Variants in CNGB3 observed in about 807,000 individuals in gnomAD.
CNGB3 encodes cyclic nucleotide-gated channel beta-3.
In CNGB3, 86 loss-of-function variants were observed where a neutral mutation model predicts 92.8. The observed-to-expected ratio is 0.93, with a 90% CI of 0.78 to 1.11. The LOEUF (loss-of-function observed/expected upper bound fraction) is 1.11, where lower values mean the gene tolerates loss of function less well. Among genes scored for constraint, CNGB3 ranks in the 50% least tolerant of loss-of-function variants. The pLI, the probability that CNGB3 is intolerant of heterozygous loss-of-function variation, is 0.00. For missense variants in CNGB3, 1,026 were observed against 956.8 expected (o/e 1.07, Z -0.95); for synonymous variants, 333 against 332.7 (o/e 1.00, Z -0.01).
chr8:86,623,076 A>G (rs1180050047), intron 13 of CNGB3, among the ~76,000 whole-genome samples: 1 of 152,214 alleles, frequency 6.6e-6, no homozygotes, highest in African/African-American at 2.4e-5. Flanking sequence ...TTGATTATAT[A>G]ATTTTAAGAC....
chr8:86,697,256 A>T (rs926342108), intron 3 of CNGB3, among the ~76,000 whole-genome samples: 1 of 152,142 alleles, frequency 6.6e-6, no homozygotes, highest in African/African-American at 2.4e-5. Context: ...CTGTTATTTC[A>T]ATTTACTACT....
intron 3 of CNGB3, among the ~76,000 whole-genome samples, chr8:86,720,813 CATATATATAT>C (rs4024072): frequency 7.4e-6 from 1 of 134,442 alleles, no homozygotes; most frequent in African/African-American, 2.8e-5. Flanking sequence ...TATTCCATGG[CATATATATAT>C]ATATATATAT....
intron 6 of CNGB3, chr8:86,658,371 T>C (rs1328026135): frequency 2.3e-6 from 1 of 438,126 alleles, no homozygotes; most frequent in Non-Finnish European, 4.3e-6. Context: ...TCCTTCCCCA[T>C]GGAGAGCCAT....
rs73690914 is a variant in CNGB3 at position 86,593,745 on chromosome 8, G to A, written c.1781+10348C>T. The A allele has an allele frequency of 8.2e-3, 9,777 of 1,198,792 alleles. 213 individuals carry two copies. Among genetic ancestry groups the A allele is most frequent in the African/African-American group, 0.051 (3,310 of 64,786 alleles). The allele number at this position is 1,198,792 out of a possible 1,614,324, so 74.3% of individuals were successfully genotyped here. On this transcript the variant is annotated intron_variant, in intron 15 of 17. Coordinates refer to ENST00000320005, the MANE Select transcript of CNGB3 (RefSeq NM_019098.5). Reference sequence around the variant, plus strand: ...CAGCAGTGGTGGGGGTGGAAGAAGCGTCACCAGCTCAGGATGCCAGGGCAG... The same window carrying A: ...CAGCAGTGGTGGGGGTGGAAGAAGCATCACCAGCTCAGGATGCCAGGGCAG...
At chr8:86,670,160 A>G (rs1295517350) in intron 4 of CNGB3, among the ~76,000 whole-genome samples, 1 of 152,104 alleles carries the variant, frequency 6.6e-6, no homozygotes, top group East Asian at 1.9e-4. Context: ...TTAATTTTTC[A>G]TACACACATT....
At chr8:86,654,569 C>T (rs1391397822) in intron 6 of CNGB3, among the ~76,000 whole-genome samples, 1 of 152,074 alleles carries the variant, frequency 6.6e-6, no homozygotes, top group African/African-American at 2.4e-5. Flanking sequence ...TTTTGTTTAG[C>T]AACTAAATTT....
chr8:86,678,051 T>C (rs1340808315), intron 3 of CNGB3, among the ~76,000 whole-genome samples: 1 of 152,206 alleles, frequency 6.6e-6, no homozygotes, highest in Non-Finnish European at 1.5e-5. Flanking sequence ...TTCTATCTTG[T>C]TGAATAACAG....
intron 15 of CNGB3, chr8:86,593,768 C>T: frequency 1.5e-6 from 2 of 1,304,110 alleles, no homozygotes; most frequent in South Asian, 2.5e-5. Context: ...GATGCCAGGG[C>T]AGTACTTATC....
chr8:86,642,989 G>A (rs1439827127), intron 10 of CNGB3, among the ~76,000 whole-genome samples: 4 of 151,182 alleles, frequency 2.6e-5, no homozygotes, highest in African/African-American at 9.7e-5. Context: ...ACTAACAATC[G>A]GCATCGGAGT....
intron 3 of CNGB3, among the ~76,000 whole-genome samples, chr8:86,696,387 G>T (rs1024778425): frequency 1.3e-5 from 2 of 152,168 alleles, no homozygotes; most frequent in African/African-American, 4.8e-5. Flanking sequence ...GGTGATGAGT[G>T]GGGCCATAGA....
chr8:86,678,448 TG>T (rs1824016573), intron 3 of CNGB3, among the ~76,000 whole-genome samples: 1 of 152,194 alleles, frequency 6.6e-6, no homozygotes, highest in Non-Finnish European at 1.5e-5. Flanking sequence ...ATTATGGTAT[TG>T]TTTGCACACA....
At chr8:86,606,714 G>A (rs372694088) in intron 14 of CNGB3, among the ~76,000 whole-genome samples, 10 of 152,084 alleles carry the variant, frequency 6.6e-5, no homozygotes, top group Non-Finnish European at 1.0e-4. Context: ...GCAAAAATCC[G>A]AGTGAAGTCA....
Position 86,662,601 on chromosome 8 carries a change from G to T in CNGB3, c.852+4324C>A, listed in dbSNP as rs80350567. On this transcript the variant is annotated intron_variant, in intron 6 of 17. Transcript: ENST00000320005. The stretch of plus-strand genomic sequence containing the variant: ...TACTGCGATAGCCAGGTGGGAGGGG[G>T]TTGCTGGAGAAACTCCAACCAGCCT... 4.5e-3 allele frequency among the ~76,000 whole-genome samples: 680 copies of T among 152,326 alleles called. 4 individuals are homozygous for T. Among genetic ancestry groups the T allele is most frequent in the African/African-American group, 0.015 (641 of 41,560 alleles).
At position 86,684,856 on chromosome 8, in the gene CNGB3, C is replaced by A. The variant is rs188590707; in HGVS notation, c.339-13758G>T. Among the ~76,000 whole-genome samples, 381 of 152,138 alleles carry A rather than the reference C, an allele frequency of 2.5e-3. 2 individuals carry two copies. The highest frequency in any genetic ancestry group is 8.7e-3 in the African/African-American group (362 of 41,502). ...AGGTTTTGGTGTGGTTATAACAGTG[C>A]AACATGAGGGATCTTTGCAGCATGG... On this transcript the variant is annotated intron_variant, in intron 3 of 17. Coordinates refer to ENST00000320005, the MANE Select transcript of CNGB3 (RefSeq NM_019098.5).
intron 6 of CNGB3, chr8:86,657,755 C>T (rs1479708165): frequency 4.2e-6 from 2 of 479,046 alleles, no homozygotes; most frequent in Non-Finnish European, 8.4e-6. Context: ...GCTCCAGCAG[C>T]TCCAGCAGCT....
Position 86,608,366 on chromosome 8 carries a change from G to A in CNGB3, c.1662+3222C>T, listed in dbSNP as rs981666379. Among the ~76,000 whole-genome samples the A allele has an allele frequency of 5.3e-5, 8 of 152,236 alleles. No individual in the cohort carries two copies. In the East Asian group the frequency reaches 7.7e-4, roughly 15 times the overall value. On this transcript the variant is annotated intron_variant, in intron 14 of 17. Coordinates refer to ENST00000320005, the MANE Select transcript of CNGB3 (RefSeq NM_019098.5). ...TCCTTGGTCTAACGGTGACGCCAGCGTCTGGGAAGACGCCCGTTGCCAGGT... is the reference window on the plus strand; with the variant it reads ...TCCTTGGTCTAACGGTGACGCCAGCATCTGGGAAGACGCCCGTTGCCAGGT...
At chr8:86,643,671 C>T (rs1823234775) in intron 10 of CNGB3, 80 bp downstream of exon 10, 1 of 1,484,282 alleles carries the variant, frequency 6.7e-7, no homozygotes, top group Non-Finnish European at 9.3e-7. Context: ...GCTTCAAAAA[C>T]ACTGGCTCTC....
intron 3 of CNGB3, among the ~76,000 whole-genome samples, chr8:86,726,046 G>A (rs930464797): frequency 6.6e-6 from 1 of 152,104 alleles, no homozygotes; most frequent in Non-Finnish European, 1.5e-5. Context: ...TTCCTTCAGT[G>A]GCATAAAGAT....
At chr8:86,639,845 G>T (rs909299293) in intron 10 of CNGB3, among the ~76,000 whole-genome samples, 1 of 152,080 alleles carries the variant, frequency 6.6e-6, no homozygotes, top group Non-Finnish European at 1.5e-5. Context: ...TGGAGCTTTG[G>T]TTTTGAGTGA....
Sources: gnomAD v4.1 joint callset for allele counts (sites outside exome capture counted in the v4.1 genomes callset) on GRCh38, gnomAD v4.1.1 for gene constraint, MANE v1.5 for transcripts, NCBI Gene and HGNC (gene_info 2026-07-23, HGNC 2026-07-21) for gene names.